Variants in NAV2 observed in about 807,000 individuals in gnomAD.
NAV2 encodes helicase, APC down-regulated 1.
Under a neutral mutation model 223.2 loss-of-function variants are expected in NAV2, and 54 were observed. That is an observed-to-expected ratio of 0.24 (90% confidence interval 0.19 to 0.30). The LOEUF is 0.30. NAV2 is among the 10% of genes least tolerant of loss of function. The pLI is 1.00. For synonymous variants in NAV2, 1,279 were observed against 1,239.3 expected, an observed-to-expected ratio of 1.03 and a Z score of -0.67; for missense variants, 2,806 against 3,147.5, an observed-to-expected ratio of 0.89 and a Z score of 2.60.
At chr11:19,919,856 A>G (rs2044125464) in intron 6 of NAV2, among the ~76,000 whole-genome samples, 1 of 152,176 alleles carries the variant, frequency 6.6e-6, no homozygotes, top group East Asian at 1.9e-4. Context: ...GCATGGGGCC[A>G]GACACGGTGG....
intron 1 of NAV2, among the ~76,000 whole-genome samples, chr11:19,526,652 G>A (rs1347282708): frequency 4.6e-5 from 7 of 152,054 alleles, no homozygotes; most frequent in Admixed American, 4.6e-4. Context: ...TGCAGTAGAG[G>A]TCTTTCCCAC....
intron 10 of NAV2, among the ~76,000 whole-genome samples, chr11:19,964,067 T>C (rs980981460): frequency 6.6e-6 from 1 of 152,174 alleles, no homozygotes; most frequent in African/African-American, 2.4e-5. Flanking sequence ...CTCAGAATTG[T>C]GCACGGCAAG....
chr11:19,410,924 C>A (rs1396432337), intron 1 of NAV2, among the ~76,000 whole-genome samples: 1 of 152,130 alleles, frequency 6.6e-6, no homozygotes, highest in African/African-American at 2.4e-5. Flanking sequence ...AGCTTGACAT[C>A]AAATCTTTCT....
chr11:20,028,597 A>G (rs920672), intron 11 of NAV2, among the ~76,000 whole-genome samples: 3,388 of 152,302 alleles, frequency 0.022, 128 homozygotes, highest in African/African-American at 0.078. Context: ...TACAATCTAT[A>G]AGACACTGCC....
intron 11 of NAV2, among the ~76,000 whole-genome samples, chr11:20,002,857 A>G (rs779686956): frequency 4.6e-5 from 7 of 152,266 alleles, no homozygotes; most frequent in Admixed American, 1.3e-4. Flanking sequence ...CCTTCCAAAA[A>G]CAGACTCTGA....
upstream of NAV2, chr11:19,350,621 A>G (rs568463342): frequency 9.1e-6 from 3 of 328,684 alleles, no homozygotes; most frequent in South Asian, 1.3e-4. Flanking sequence ...TGGGGCAGTA[A>G]TGTGGTATGT....
chr11:19,742,593 G>A (rs1267256768), intron 1 of NAV2, among the ~76,000 whole-genome samples: 1 of 152,126 alleles, frequency 6.6e-6, no homozygotes, highest in Non-Finnish European at 1.5e-5. Context: ...TCTGCTTGGT[G>A]CCTATGTGGA....
chr11:20,034,359 T>TTG (rs1473972687), intron 11 of NAV2, among the ~76,000 whole-genome samples: 43 of 72,718 alleles, frequency 5.9e-4, no homozygotes, highest in African/African-American at 1.4e-3. Context: ...AAGTTTTTTT[T>TTG]TTGTTTTTTT....
At chr11:19,698,817 T>TGA (rs984654889) in intron 1 of NAV2, among the ~76,000 whole-genome samples, 6 of 149,870 alleles carry the variant, frequency 4.0e-5, no homozygotes, top group East Asian at 1.9e-4. Context: ...TGTGTGCATG[T>TGA]GAGAGAGAGA....
chr11:19,563,482 A>G (rs931808916), intron 1 of NAV2, among the ~76,000 whole-genome samples: 2 of 152,254 alleles, frequency 1.3e-5, no homozygotes, highest in Admixed American at 6.5e-5. Context: ...GTAAAGTAAA[A>G]TGAACACCTT....
At chr11:19,618,404 G>A (rs56163625) in intron 1 of NAV2, among the ~76,000 whole-genome samples, 3,123 of 36,976 alleles carry the variant, frequency 0.084, 122 homozygotes, top group African/African-American at 0.12. Flanking sequence ...ATGAATAGAT[G>A]GATGGATGGA....
intron 1 of NAV2, among the ~76,000 whole-genome samples, chr11:19,538,963 A>G (rs935024728): frequency 6.6e-6 from 1 of 152,124 alleles, no homozygotes; most frequent in East Asian, 1.9e-4. Context: ...GTTCAATACA[A>G]TATTTCCAAT....
chr11:19,697,762 T>C (rs967999762), intron 1 of NAV2, among the ~76,000 whole-genome samples: 2 of 152,146 alleles, frequency 1.3e-5, no homozygotes, highest in African/African-American at 4.8e-5. Flanking sequence ...AAAAAGTAGG[T>C]CATTGTCTTC....
intron 10 of NAV2, among the ~76,000 whole-genome samples, chr11:19,973,767 TAGA>T (rs2049459492): frequency 6.6e-6 from 1 of 152,212 alleles, no homozygotes; most frequent in African/African-American, 2.4e-5. Flanking sequence ...GTTGACAACG[TAGA>T]AGGCTTTTCC....
At chr11:19,377,399 C>T (rs948822488) in intron 1 of NAV2, among the ~76,000 whole-genome samples, 1 of 152,194 alleles carries the variant, frequency 6.6e-6, no homozygotes, top group Non-Finnish European at 1.5e-5. Context: ...AACTCCTACC[C>T]TGCTCTGTTC....
At chr11:19,847,746 C>G (rs978459312) in intron 3 of NAV2, among the ~76,000 whole-genome samples, 15 of 152,116 alleles carry the variant, frequency 9.9e-5, no homozygotes, top group African/African-American at 3.4e-4. Flanking sequence ...TGTCTTGTGC[C>G]AAGCACCATT....
intron 1 of NAV2, among the ~76,000 whole-genome samples, chr11:19,417,796 A>T (rs976670241): frequency 2.2e-4 from 34 of 152,224 alleles, no homozygotes; most frequent in Non-Finnish European, 2.9e-5. Flanking sequence ...AGCCATAAAA[A>T]AGGATGAGTT....
chr11:19,794,724 T>C (rs1038306738), intron 1 of NAV2, among the ~76,000 whole-genome samples: 3 of 152,156 alleles, frequency 2.0e-5, no homozygotes, highest in East Asian at 1.9e-4. Context: ...GCCAGTAGCA[T>C]TTTTATGGGA....
chr11:19,859,342 C>G (rs1008348717), intron 3 of NAV2, among the ~76,000 whole-genome samples: 1 of 150,312 alleles, frequency 6.7e-6, no homozygotes, highest in Non-Finnish European at 1.5e-5. Flanking sequence ...GGTGATGACT[C>G]TTAACGAGTA....
Sources: allele counts gnomAD v4.1 joint callset (sites outside exome capture counted in the v4.1 genomes callset), GRCh38; gene constraint gnomAD v4.1.1; transcripts MANE v1.5; gene names NCBI Gene and HGNC (gene_info 2026-07-23, HGNC 2026-07-21).